Variants in SEC31A observed in about 807,000 individuals in gnomAD.
SEC31A encodes protein transport protein Sec31A.
SEC31A carries 70 observed loss-of-function variants against 151.0 expected under a neutral mutation model. The observed-to-expected ratio is 0.46, with a 90% confidence interval of 0.38 to 0.57. SEC31A has a LOEUF of 0.57. SEC31A is among the 20% of genes least tolerant of loss of function. The pLI, the probability that SEC31A is intolerant of heterozygous loss-of-function variation, is 0.00. For missense variants in SEC31A, 1,330 were observed against 1,471.2 expected (o/e 0.90, Z 1.57); for synonymous variants, 475 against 505.9 (o/e 0.94, Z 0.82).
intron 4 of SEC31A, among the ~76,000 whole-genome samples, 174 bp from the exon 5 acceptor site, chr4:82,875,996 TA>T (rs1246468252): frequency 6.6e-6 from 1 of 152,104 alleles, no homozygotes; most frequent in Non-Finnish European, 1.5e-5. Flanking sequence ...TTTCAAAATT[TA>T]AAGTTTTCTA....
upstream of SEC31A, chr4:82,894,243 T>C (rs1719963610): frequency 6.6e-6 from 1 of 151,642 alleles, no homozygotes; most frequent in Admixed American, 6.6e-5. Flanking sequence ...TCTTGTGCTT[T>C]AACTGAACTA....
In SEC31A at chr4:82,861,714, G is replaced by T; in HGVS notation, c.1549-6C>A. 1.3e-6 allele frequency: 2 copies of T among 1,596,188 alleles called. No homozygotes were observed. Among genetic ancestry groups the T allele is most frequent in the Non-Finnish European group, 1.7e-6 (2 of 1,166,746 alleles). On this transcript the variant is annotated splice_polypyrimidine_tract_variant and splice_region_variant and intron_variant, in intron 13 of 26. Transcript: ENST00000395310. The stretch of plus-strand genomic sequence containing the variant: ...TGGTCAGAGTCTTTAAGAGCCTTTG[G>T]TACACAAAACAATTACAGGGGAAGG...
chr4:82,890,661 T>G (rs764879644), intron 1 of SEC31A: 1 of 799,258 alleles, frequency 1.3e-6, no homozygotes, highest in Non-Finnish European at 1.5e-6. Flanking sequence ...CCTTTAAATC[T>G]GGCAATAGTT....
At chr4:82,844,206 T>C (rs1729542114) in intron 21 of SEC31A, 180 bp downstream of exon 21, 1 of 582,428 alleles carries the variant, frequency 1.7e-6, no homozygotes, top group African/African-American at 1.9e-5. Context: ...AGCTACTTCC[T>C]AGCATAGTGA....
chr4:82,898,312 AT>A (rs1720149995), intron 3 of SEC31A, among the ~76,000 whole-genome samples: 1 of 152,248 alleles, frequency 6.6e-6, no homozygotes, highest in Non-Finnish European at 1.5e-5. Flanking sequence ...CAAAAAAAGT[AT>A]AGATAAGTTA....
intron 12 of SEC31A, 59 bp from the exon 13 acceptor site, chr4:82,862,631 A>AGAGGTGAACATTTGCTGG: frequency 1.4e-6 from 2 of 1,426,204 alleles, no homozygotes; most frequent in Non-Finnish European, 2.0e-6. Flanking sequence ...GCATCCAGCA[A>AGAGGTGAACATTTGCTGG]ATGTTCACCT....
At chr4:82,841,467 T>TATATATATATATATATATATATACAC (rs1339344582) in intron 22 of SEC31A, among the ~76,000 whole-genome samples, 1 of 103,560 alleles carries the variant, frequency 9.7e-6, no homozygotes, top group Non-Finnish European at 2.0e-5. Context: ...TATATATATA[T>TATATATATATATATATATATATACAC]ACACACACAC....
chr4:82,866,975 A>G lies in SEC31A; in HGVS notation c.1045-15T>C, dbSNP rs751281309. ...GATGATGAAAGCTAAAAAAGATAAT[A>G]ATAACATAAGCATCCGACCATACAC... On this transcript the variant is annotated splice_polypyrimidine_tract_variant and intron_variant, in intron 9 of 26. Transcript: ENST00000395310. 1.2e-6 allele frequency: 2 copies of G among 1,604,572 alleles called. No individual in the cohort carries two copies. Among genetic ancestry groups the G allele is most frequent in the South Asian group, 2.3e-5 (2 of 88,708 alleles).
In SEC31A at chr4:82,828,995, AG is replaced by A; in HGVS notation, c.3027+4del. 1 of 1,612,630 alleles carries A rather than the reference AG, an allele frequency of 6.2e-7. No individual in the cohort carries two copies. The highest frequency in any genetic ancestry group is 1.3e-5 in the African/African-American group (1 of 75,018). ...GGCCATTGGATGGACATCTTTTTCT[AG>A]TACCTTCTTCTTTTTGGGTACTCTG... On this transcript the variant is annotated splice_donor_region_variant and intron_variant, in intron 23 of 26. Coordinates refer to ENST00000395310, the MANE Select transcript of SEC31A (RefSeq NM_001077207.4).
intron 1 of SEC31A, among the ~76,000 whole-genome samples, chr4:82,884,655 A>C (rs1560670696): frequency 6.6e-6 from 1 of 152,228 alleles, no homozygotes; most frequent in Admixed American, 6.5e-5. Flanking sequence ...TGTATCTGTC[A>C]TTATAGTATC....
At chr4:82,859,439 G>A (rs1160767615) in intron 14 of SEC31A, among the ~76,000 whole-genome samples, 2 of 152,142 alleles carry the variant, frequency 1.3e-5, no homozygotes, top group East Asian at 3.8e-4. Context: ...TCAGAGATTA[G>A]AGATAAATTT....
chr4:82,833,480 G>T (rs904618616), intron 22 of SEC31A, among the ~76,000 whole-genome samples: 2 of 151,000 alleles, frequency 1.3e-5, no homozygotes, highest in African/African-American at 4.9e-5. Flanking sequence ...AAACCACCAT[G>T]GCACATGTAT....
At chr4:82,840,445 C>G (rs1311594183) in intron 22 of SEC31A, among the ~76,000 whole-genome samples, 2 of 152,056 alleles carry the variant, frequency 1.3e-5, no homozygotes, top group African/African-American at 2.4e-5. Context: ...AAATATCAAA[C>G]TATTGATGTA....
Position 82,872,081 on chromosome 4 carries a change from A to G in SEC31A, c.645T>C (p.His215=). Residue 215 remains histidine, a synonymous_variant, in exon 7 of 27, where the codon CAT becomes CAC. Coordinates refer to ENST00000395310, the MANE Select transcript of SEC31A (RefSeq NM_001077207.4). The part of the protein sequence containing the change: ...IKVSDHSNRM[H]CSGLAWHPDV... ...CAGGATGCCATGCCAACCCAGAACA[A>G]TGCATCTGAAGATAGTTAAGGTTCA... 1 of 1,612,908 alleles carries G rather than the reference A, an allele frequency of 6.2e-7. No individual in the cohort carries two copies. Among genetic ancestry groups the G allele is most frequent in the Non-Finnish European group, 8.5e-7 (1 of 1,178,948 alleles).
At chr4:82,829,877 G>A (rs1034943598) in intron 22 of SEC31A, among the ~76,000 whole-genome samples, 3 of 152,066 alleles carry the variant, frequency 2.0e-5, no homozygotes, top group Non-Finnish European at 2.9e-5. Flanking sequence ...ACAACATGCT[G>A]GAAATAAGAA....
At chr4:82,880,314 G>C (rs1229417232) in intron 3 of SEC31A, among the ~76,000 whole-genome samples, 1 of 152,158 alleles carries the variant, frequency 6.6e-6, no homozygotes, top group Non-Finnish European at 1.5e-5. Flanking sequence ...TACTGGCCAA[G>C]CGTGATTCCT....
chr4:82,849,073 C>T, intron 19 of SEC31A, 96 bp from the exon 20 acceptor site: 2 of 1,126,792 alleles, frequency 1.8e-6, no homozygotes, highest in Non-Finnish European at 2.6e-6. Context: ...TCAAGATATC[C>T]CTTTTTGTTC....
chr4:82,871,309 C>CAT, intron 7 of SEC31A: 2 of 1,305,860 alleles, frequency 1.5e-6, no homozygotes, highest in African/African-American at 2.5e-5. Context: ...ATTATACATG[C>CAT]ATACACACAC....
intron 22 of SEC31A, among the ~76,000 whole-genome samples, chr4:82,833,250 T>G (rs1225337176): frequency 6.6e-6 from 1 of 152,152 alleles, no homozygotes; most frequent in African/African-American, 2.4e-5. Flanking sequence ...TTCATGTACT[T>G]TGCAGGGACA....
Sources: gnomAD v4.1 joint callset for allele counts (sites outside exome capture counted in the v4.1 genomes callset) on GRCh38, gnomAD v4.1.1 for gene constraint, MANE v1.5 for transcripts, NCBI Gene and HGNC (gene_info 2026-07-23, HGNC 2026-07-21) for gene names.